Variants in TENM3 observed in about 807,000 individuals in gnomAD.
The protein encoded by TENM3 is teneurin transmembrane protein 3.
Under a neutral mutation model 255.1 loss-of-function variants are expected in TENM3, and 63 were observed. The ratio of observed to expected loss-of-function variants is 0.25; its 90% CI spans 0.20 to 0.30. The LOEUF (loss-of-function observed/expected upper bound fraction) is 0.30, where lower values mean the gene tolerates loss of function less well. Ranked by LOEUF, TENM3 falls within the 10% of genes least tolerant of loss-of-function variation. TENM3 has a pLI of 1.00. For synonymous variants in TENM3, 1,306 were observed against 1,322.3 expected (o/e 0.99, Z 0.27); for missense variants, 2,929 against 3,461.1 (o/e 0.85, Z 3.86).
chr4:182,451,219 T>C (rs967240983), intron 3 of TENM3, among the ~76,000 whole-genome samples: 4 of 152,204 alleles, frequency 2.6e-5, no homozygotes, highest in Admixed American at 6.5e-5. Flanking sequence ...AAAATCATAC[T>C]AAATTTTGGC....
the TENM3 span, among the ~76,000 whole-genome samples, chr4:182,015,844 G>C: frequency 6.6e-6 from 1 of 152,230 alleles, no homozygotes; most frequent in Admixed American, 6.5e-5. Flanking sequence ...ACTGCGCCTG[G>C]CCTGATTTTA....
At chr4:181,779,200 T>A in the TENM3 span, among the ~76,000 whole-genome samples, 1 of 151,994 alleles carries the variant, frequency 6.6e-6, no homozygotes, top group Admixed American at 6.6e-5. Context: ...CTTTAGTGGG[T>A]AAAGGCTACT....
chr4:182,640,413 T>C (rs1003916148), intron 5 of TENM3, among the ~76,000 whole-genome samples: 3 of 152,234 alleles, frequency 2.0e-5, no homozygotes, highest in Admixed American at 1.3e-4. Context: ...TTTCTAGTTT[T>C]AACAAGCTAA....
chr4:181,750,971 CAG>C, the TENM3 span, among the ~76,000 whole-genome samples: 255 of 152,278 alleles, frequency 1.7e-3, no homozygotes, highest in African/African-American at 5.8e-3. Flanking sequence ...TCTGCTTCTA[CAG>C]AGAGACCCCT....
chr4:181,812,467 T>C, the TENM3 span, among the ~76,000 whole-genome samples: 1 of 152,222 alleles, frequency 6.6e-6, no homozygotes, highest in East Asian at 1.9e-4. Flanking sequence ...TGATTATTTA[T>C]AGAGAGTTCG....
chr4:181,711,775 T>G, the TENM3 span, among the ~76,000 whole-genome samples: 1 of 152,274 alleles, frequency 6.6e-6, no homozygotes, highest in South Asian at 2.1e-4. Context: ...CCACTCCCAC[T>G]TCCTCTTGGC....
the TENM3 span, among the ~76,000 whole-genome samples, chr4:181,620,992 T>C: frequency 2.0e-5 from 3 of 152,182 alleles, no homozygotes; most frequent in African/African-American, 7.2e-5. Flanking sequence ...CTTCTGCATT[T>C]AGCTAACTCT....
Position 182,738,397 on chromosome 4 carries a change from C to A in TENM3, c.3236-4C>A. ...AGATGAGCTGTGATTTGTTTGGATT[C>A]CAGTGTCAGTTGGATATGAGTATGA... is the stretch of plus-strand genomic sequence containing the variant. On this transcript the variant is annotated splice_region_variant and splice_polypyrimidine_tract_variant and intron_variant, in intron 17 of 27. Transcript: ENST00000511685. 1 of 1,595,504 alleles carries A rather than the reference C, an allele frequency of 6.3e-7. No individual in the cohort carries two copies. Among genetic ancestry groups the A allele is most frequent in the Non-Finnish European group, 8.5e-7 (1 of 1,171,544 alleles).
intron 1 of TENM3, among the ~76,000 whole-genome samples, chr4:182,307,927 C>T (rs1287715691): frequency 6.6e-6 from 1 of 152,222 alleles, no homozygotes; most frequent in Non-Finnish European, 1.5e-5. Flanking sequence ...GCCTTGCTCT[C>T]TGTGCCTGCT....
chr4:181,682,709 A>T, the TENM3 span, among the ~76,000 whole-genome samples: 6 of 152,196 alleles, frequency 3.9e-5, no homozygotes, highest in Admixed American at 3.9e-4. Flanking sequence ...AAGTAGAATG[A>T]ATTAAATTTT....
chr4:182,345,706 A>G (rs1423244438), intron 2 of TENM3, among the ~76,000 whole-genome samples: 1 of 152,238 alleles, frequency 6.6e-6, no homozygotes, highest in Non-Finnish European at 1.5e-5. Context: ...TGGAAAAGTC[A>G]TTAATAACAG....
chr4:182,324,171 G>T lies in TENM3; in HGVS notation c.151G>T (p.Asp51Tyr). 1 of 1,614,026 alleles carries T rather than the reference G, an allele frequency of 6.2e-7. No homozygotes were observed. Among genetic ancestry groups the T allele is most frequent in the Non-Finnish European group, 8.5e-7 (1 of 1,179,888 alleles). ...YSSSETLKAF[D>Y]HDSSRLLYGN... ...TTCCAGCGAGACATTGAAAGCTTTT[G>T]ATCATGATTCCTCGCGGCTGCTTTA... Residue 51 changes from aspartate (D) to tyrosine (Y), a missense_variant, in exon 2 of 28, where the codon GAT becomes TAT. This residue lies in a region of TENM3 where 283 missense variants were observed against 256.9 expected (regional missense o/e 1.10). Transcript: ENST00000511685.
At chr4:181,791,361 G>T in the TENM3 span, among the ~76,000 whole-genome samples, 1 of 152,116 alleles carries the variant, frequency 6.6e-6, no homozygotes, top group African/African-American at 2.4e-5. Flanking sequence ...TCTCTAGCCT[G>T]CTTTGCTTTA....
chr4:181,747,052 G>A, the TENM3 span, among the ~76,000 whole-genome samples: 4 of 151,940 alleles, frequency 2.6e-5, no homozygotes, highest in Non-Finnish European at 5.9e-5. Context: ...AGGGTCAAGG[G>A]CAAGTGCGTT....
chr4:181,888,504 A>G, the TENM3 span, among the ~76,000 whole-genome samples: 1,791 of 22,302 alleles, frequency 0.08, 43 homozygotes, highest in Admixed American at 0.17. Context: ...GTATATATAT[A>G]TATATATATA....
At chr4:182,315,686 C>A (rs1405517745) in intron 1 of TENM3, among the ~76,000 whole-genome samples, 1 of 151,952 alleles carries the variant, frequency 6.6e-6, no homozygotes, top group African/African-American at 2.4e-5. Context: ...TTTTTCTGTT[C>A]ACTTTTGTCT....
the TENM3 span, among the ~76,000 whole-genome samples, chr4:182,120,587 G>A: frequency 6.6e-6 from 1 of 152,150 alleles, no homozygotes; most frequent in Non-Finnish European, 1.5e-5. Flanking sequence ...TTGTGACAAA[G>A]CAGGGTATGT....
the TENM3 span, among the ~76,000 whole-genome samples, chr4:181,450,100 G>T: frequency 3.9e-5 from 6 of 152,124 alleles, no homozygotes; most frequent in South Asian, 1.2e-3. Context: ...ACATTAACAG[G>T]TTAAAGAATA....
chr4:181,478,237 G>T, the TENM3 span, among the ~76,000 whole-genome samples: 1 of 152,132 alleles, frequency 6.6e-6, no homozygotes, highest in South Asian at 2.1e-4. Context: ...CTACAAGCTT[G>T]GAGTTTATTT....
Sources: gnomAD v4.1 joint callset for allele counts (sites outside exome capture counted in the v4.1 genomes callset) on GRCh38, gnomAD v4.1.1 for gene constraint, gnomAD v4.1.1 regional missense constraint, MANE v1.5 for transcripts, NCBI Gene and HGNC (gene_info 2026-07-23, HGNC 2026-07-21) for gene names.